Variants in AKT3 observed in about 807,000 individuals in gnomAD.
AKT3 encodes RAC-gamma serine/threonine-protein kinase.
In AKT3, 15 loss-of-function variants were observed where a neutral mutation model predicts 65.3. The ratio of observed to expected loss-of-function variants is 0.23; its 90% CI spans 0.15 to 0.35. The LOEUF (loss-of-function observed/expected upper bound fraction) is 0.35, where lower values mean the gene tolerates loss of function less well. AKT3 is among the 10% of genes least tolerant of loss of function. The pLI, the probability that AKT3 is intolerant of heterozygous loss-of-function variation, is 1.00. For synonymous variants in AKT3, 206 were observed against 183.8 expected, an observed-to-expected ratio of 1.12 and a Z score of -0.98; for missense variants, 243 against 576.5, an observed-to-expected ratio of 0.42 and a Z score of 5.92.
intron 2 of AKT3, among the ~76,000 whole-genome samples, chr1:243,745,543 C>T (rs1688429324): frequency 6.6e-6 from 1 of 152,118 alleles, no homozygotes; most frequent in African/African-American, 2.4e-5. Context: ...TGATATTAGT[C>T]AGTACTCAGC....
chr1:243,778,920 C>CTTT (rs60460562), intron 2 of AKT3, among the ~76,000 whole-genome samples: 5 of 149,786 alleles, frequency 3.3e-5, no homozygotes, highest in Non-Finnish European at 7.4e-5. Flanking sequence ...TCTTCCGATT[C>CTTT]TTTTTTTTTT....
At chr1:243,769,113 T>C (rs896690597) in intron 2 of AKT3, among the ~76,000 whole-genome samples, 10 of 152,164 alleles carry the variant, frequency 6.6e-5, no homozygotes, top group African/African-American at 2.4e-4. Context: ...GCCTTTTGTG[T>C]GTAGTTTTTT....
intron 2 of AKT3, among the ~76,000 whole-genome samples, chr1:243,731,362 C>T (rs1182682174): frequency 6.6e-6 from 1 of 152,110 alleles, no homozygotes; most frequent in Non-Finnish European, 1.5e-5. Flanking sequence ...AAAACACTTG[C>T]TTTGATATAC....
intron 2 of AKT3, among the ~76,000 whole-genome samples, chr1:243,835,494 TA>T (rs1694841206): frequency 6.6e-6 from 1 of 152,096 alleles, no homozygotes; most frequent in African/African-American, 2.4e-5. Context: ...GAACAATACC[TA>T]AAAAAGCAAT....
In AKT3 at chr1:243,615,123, T is replaced by A. The variant is rs993297588; in HGVS notation, c.600A>T (p.Leu200Phe). The A allele has an allele frequency of 7.5e-6, 12 of 1,609,868 alleles. No homozygotes were observed. Reference protein sequence around the residue: ...VAHTLTESRVLKNTRHPFLTS... With the variant: ...VAHTLTESRVFKNTRHPFLTS... Reference sequence around the variant, plus strand: ...TTAAAAAGGGATGTCTAGTGTTCTTTAATACTCTGCTTTCAGTTAGAGTGT... The same window carrying A: ...TTAAAAAGGGATGTCTAGTGTTCTTAAATACTCTGCTTTCAGTTAGAGTGT... Residue 200 changes from leucine to phenylalanine, a missense_variant, in exon 7 of 14, where the codon TTA (leucine) becomes TTT (phenylalanine). By Grantham distance (22) the Leu-to-Phe change is conservative. Around this residue, in one of 6 missense-constraint regions of AKT3, gnomAD observed 61 missense variants for 163.3 expected, o/e 0.37. Coordinates refer to ENST00000673466, the MANE Select transcript of AKT3 (RefSeq NM_005465.7).
chr1:243,530,537 A>G (rs1414490017), intron 12 of AKT3, among the ~76,000 whole-genome samples: 1 of 152,208 alleles, frequency 6.6e-6, no homozygotes, highest in Non-Finnish European at 1.5e-5. Context: ...TTAAGAAGGA[A>G]GTTTATAGCA....
intron 2 of AKT3, among the ~76,000 whole-genome samples, chr1:243,791,727 A>G (rs1415913587): frequency 6.6e-6 from 1 of 152,148 alleles, no homozygotes; most frequent in Non-Finnish European, 1.5e-5. Context: ...CCTTCTCTCA[A>G]TAAGGAGGAG....
At chr1:243,562,847 C>T (rs1191814021) in intron 10 of AKT3, among the ~76,000 whole-genome samples, 10 of 152,118 alleles carry the variant, frequency 6.6e-5, no homozygotes, top group Admixed American at 6.6e-4. Context: ...GGAGAATAAA[C>T]TAGCTATCCT....
chr1:243,731,191 T>C (rs1277964035), intron 2 of AKT3, among the ~76,000 whole-genome samples: 1 of 152,168 alleles, frequency 6.6e-6, no homozygotes, highest in African/African-American at 2.4e-5. Flanking sequence ...ATCTACCACA[T>C]GCCAAAATGA....
intron 1 of AKT3, among the ~76,000 whole-genome samples, chr1:243,846,252 C>T (rs1247033922): frequency 6.6e-6 from 1 of 152,086 alleles, no homozygotes; most frequent in East Asian, 1.9e-4. Context: ...CAGTCAGAAG[C>T]TTTCTAATAT....
At chr1:243,634,656 G>C (rs1002039179) in intron 6 of AKT3, among the ~76,000 whole-genome samples, 2 of 151,724 alleles carry the variant, frequency 1.3e-5, no homozygotes, top group African/African-American at 4.8e-5. Flanking sequence ...AAAAGGGGTG[G>C]CTATATTAAT....
At chr1:243,690,541 G>A (rs1684622331) in intron 3 of AKT3, among the ~76,000 whole-genome samples, 2 of 152,084 alleles carry the variant, frequency 1.3e-5, no homozygotes, top group South Asian at 4.2e-4. Flanking sequence ...CACTACATTG[G>A]CACCTATATA....
intron 2 of AKT3, among the ~76,000 whole-genome samples, chr1:243,838,840 T>C (rs189754853): frequency 2.6e-4 from 40 of 152,250 alleles, no homozygotes; most frequent in African/African-American, 8.2e-4. Flanking sequence ...AAAAAGTTAT[T>C]TGAAAGCCAA....
intron 8 of AKT3, among the ~76,000 whole-genome samples, chr1:243,576,625 ACT>A (rs1446254995): frequency 6.6e-6 from 1 of 152,232 alleles, no homozygotes; most frequent in African/African-American, 2.4e-5. Flanking sequence ...CTCATTCACA[ACT>A]GCCACAAAGA....
intron 2 of AKT3, among the ~76,000 whole-genome samples, chr1:243,832,120 T>TAAAAAAAAAAAAAAAA (rs869235352): frequency 2.2e-5 from 1 of 44,756 alleles, no homozygotes; most frequent in African/African-American, 8.0e-5. Context: ...TCCCTAAAAC[T>TAAAAAAAAAAAAAAAA]AAAAAAAAAA....
In AKT3 at chr1:243,843,652, T is replaced by G. The variant is rs943711498; in HGVS notation, c.-112-370A>C. On this transcript the variant is annotated intron_variant, in intron 1 of 13. Transcript: ENST00000673466. Reference sequence around the variant, plus strand: ...GTAATTTCAGAAGCAATTGTAAATTTTTTGTTTTTTTTTTTTTTGAAACGG... The same window carrying G: ...GTAATTTCAGAAGCAATTGTAAATTGTTTGTTTTTTTTTTTTTTGAAACGG... The G allele has an allele frequency of 3.4e-6, 3 of 891,630 alleles. No individual in the cohort carries two copies. The African/African-American group carries it at 5.5e-5, about 16-fold the overall frequency. 55.2% of individuals were successfully genotyped at this position (891,630 alleles called of 1,614,324 possible).
At chr1:243,671,362 G>A (rs1032972872) in intron 3 of AKT3, among the ~76,000 whole-genome samples, 1 of 152,156 alleles carries the variant, frequency 6.6e-6, no homozygotes, top group East Asian at 1.9e-4. Context: ...TTACAGGCGT[G>A]AGCCACTGCA....
rs2275521 is a variant in AKT3, at chr1:243,503,616, G to C, written c.*1633C>G. 2.5e-4 allele frequency: 58 copies of C among 233,066 alleles called. 2 individuals carry two copies. In the East Asian group the frequency reaches 3.3e-3, roughly 13 times the overall value. 14.4% of individuals were successfully genotyped at this position (233,066 alleles called of 1,614,324 possible). A position where few individuals can be genotyped will look rare whatever the true frequency, so the allele number is the denominator to read the frequency against. On this transcript the variant is annotated 3_prime_UTR_variant, in exon 14 of 14. Transcript: ENST00000673466. ...AATCTGAAGATCATCATTAATGAAG[G>C]AGAAAGATGAGGTTTGCATACATGC...
rs1684679207 is a variant in AKT3 at position 243,691,348 on chromosome 1, T to C, written c.172+4243A>G. On this transcript the variant is annotated intron_variant, in intron 3 of 13. Transcript: ENST00000673466. The stretch of plus-strand genomic sequence containing the variant: ...TATGATGTATTAAGAAAGCTGAACT[T>C]TATCCAGTAGGCAATGATGATCCAA... 5.3e-5 allele frequency among the ~76,000 whole-genome samples: 8 copies of C among 152,106 alleles called. No individual in the cohort carries two copies. The South Asian group carries it at 1.7e-3, about 32-fold the overall frequency.
Sources: gnomAD v4.1 joint callset for allele counts (sites outside exome capture counted in the v4.1 genomes callset) on GRCh38, gnomAD v4.1.1 for gene constraint, gnomAD v4.1.1 regional missense constraint, MANE v1.5 for transcripts, NCBI Gene and HGNC (gene_info 2026-07-23, HGNC 2026-07-21) for gene names.